RFX3: variants seen among roughly 807,000 people sequenced by gnomAD.
The protein encoded by RFX3 is regulatory factor X3.
Under a neutral mutation model 98.6 loss-of-function variants are expected in RFX3, and 14 were observed. That is an observed-to-expected ratio of 0.14 (90% CI 0.09 to 0.22). The LOEUF is 0.22. Among genes scored for constraint, RFX3 ranks in the 10% least tolerant of loss-of-function variants. The probability of loss-of-function intolerance (pLI) is 1.00; values close to 1 mark genes in which losing one functional copy is unlikely to be tolerated. For synonymous variants in RFX3, 383 were observed against 328.4 expected (o/e 1.17, Z -1.80); for missense variants, 639 against 926.9 (o/e 0.69, Z 4.03).
chr9:3,412,270 T>A (rs1381138717), intron 1 of RFX3, among the ~76,000 whole-genome samples: 1 of 152,206 alleles, frequency 6.6e-6, no homozygotes, highest in Non-Finnish European at 1.5e-5. Flanking sequence ...GACTCTAAGG[T>A]TGGACAGGCC....
At chr9:3,346,859 G>C (rs912620277) in intron 2 of RFX3, 95 bp from the exon 3 acceptor site, 15 of 758,464 alleles carry the variant, frequency 2.0e-5, no homozygotes, top group Non-Finnish European at 7.0e-6. Context: ...CGGTATTATT[G>C]ATAAATTTGA....
intron 13 of RFX3, 60 bp from the exon 14 acceptor site, chr9:3,257,259 C>G: frequency 7.4e-7 from 1 of 1,353,910 alleles, no homozygotes; most frequent in Non-Finnish European, 1.1e-6. Context: ...TCATTGAATG[C>G]CAGCACACAC....
chr9:3,442,740 G>C (rs1236038551), intron 1 of RFX3, among the ~76,000 whole-genome samples: 2 of 152,036 alleles, frequency 1.3e-5, no homozygotes, highest in Non-Finnish European at 2.9e-5. Context: ...AAAGTAAAAA[G>C]TTTATTATAA....
At chr9:3,367,244 C>A (rs768485) in intron 2 of RFX3, among the ~76,000 whole-genome samples, 11 of 152,062 alleles carry the variant, frequency 7.2e-5, no homozygotes, top group South Asian at 2.1e-4. Flanking sequence ...TACATAAGGC[C>A]GTATTGTTGC....
intron 2 of RFX3, among the ~76,000 whole-genome samples, chr9:3,369,812 T>C (rs187080991): frequency 6.6e-6 from 1 of 152,174 alleles, no homozygotes; most frequent in East Asian, 1.9e-4. Context: ...ACAGAGCAGT[T>C]GTTTTTTTGT....
chr9:3,432,347 T>C (rs1398269235), intron 1 of RFX3, among the ~76,000 whole-genome samples: 1 of 152,070 alleles, frequency 6.6e-6, no homozygotes, highest in Non-Finnish European at 1.5e-5. Flanking sequence ...CACATAGTAC[T>C]CAATGGAAAG....
chr9:3,270,327 T>TG, intron 11 of RFX3, 44 bp downstream of exon 11: 1 of 1,553,410 alleles, frequency 6.4e-7, no homozygotes, highest in Non-Finnish European at 8.7e-7. Context: ...CTGGGTGGAA[T>TG]GTATGAGAAC....
At chr9:3,369,606 T>G (rs1423781930) in intron 2 of RFX3, among the ~76,000 whole-genome samples, 2 of 152,174 alleles carry the variant, frequency 1.3e-5, no homozygotes, top group African/African-American at 4.8e-5. Flanking sequence ...AAATTAAAAT[T>G]CTACCATAAA....
At position 3,225,179 on chromosome 9, in the gene RFX3, C is replaced by T; in HGVS notation, c.2113G>A (p.Val705Met). ...TCGAGAACAGGCTGCATGCAGCCCA[C>T]TGGAAATGCCTGGCTCAGCTCTGTT... ...EKTELSQAFP[V>M]GCMQPVLETG... Residue 705 changes from valine (V) to methionine (M), a missense_variant, in exon 17 of 17, where the codon GTG (valine) becomes ATG (methionine). By Grantham distance (21) the Val-to-Met change is conservative. Transcript: ENST00000617270. 1 of 1,613,952 alleles carries T rather than the reference C, an allele frequency of 6.2e-7. No homozygotes were observed. The highest frequency in any genetic ancestry group is 8.5e-7 in the Non-Finnish European group (1 of 1,179,952).
rs1239555273 is a variant in RFX3, at chr9:3,346,341, A to T, written c.215+326T>A. 2.6e-5 allele frequency among the ~76,000 whole-genome samples: 4 copies of T among 152,328 alleles called. No individual in the cohort carries two copies. The South Asian group carries it at 8.3e-4, about 32-fold the overall frequency. On this transcript the variant is annotated intron_variant, in intron 3 of 16. Coordinates refer to ENST00000617270, the MANE Select transcript of RFX3 (RefSeq NM_001282116.2). ...ATTGACCTCGTATAATAAAACAAAAAGCATAGAGTTTAGAAGCTATCATTA... is the reference window on the plus strand; with the variant it reads ...ATTGACCTCGTATAATAAAACAAAATGCATAGAGTTTAGAAGCTATCATTA...
intron 4 of RFX3, 88 bp from the exon 5 acceptor site, chr9:3,301,708 C>T (rs2986686): frequency 0.12 from 102,333 of 888,316 alleles, 6,223 homozygotes; most frequent in African/African-American, 0.16. Context: ...TCTTTAAAGT[C>T]CAACTTCTTC....
chr9:3,459,531 G>A (rs1847496409), intron 1 of RFX3, among the ~76,000 whole-genome samples: 1 of 152,042 alleles, frequency 6.6e-6, no homozygotes, highest in Non-Finnish European at 1.5e-5. Context: ...TGGATGCAGT[G>A]AGCTAACTAA....
intron 1 of RFX3, among the ~76,000 whole-genome samples, chr9:3,420,552 G>C (rs1032381590): frequency 2.0e-5 from 3 of 152,126 alleles, no homozygotes; most frequent in African/African-American, 7.2e-5. Flanking sequence ...AAAAGGTTAA[G>C]AGACTTGTCT....
At chr9:3,417,042 T>C (rs533089021) in intron 1 of RFX3, among the ~76,000 whole-genome samples, 54 of 151,888 alleles carry the variant, frequency 3.6e-4, no homozygotes, top group Middle Eastern at 3.4e-3. Context: ...ATAAAATATA[T>C]ATAATGCTAT....
chr9:3,496,598 C>G (rs757169213), intron 1 of RFX3, among the ~76,000 whole-genome samples: 10 of 151,938 alleles, frequency 6.6e-5, no homozygotes, highest in Non-Finnish European at 1.5e-4. Context: ...TGTACTATCA[C>G]GTTAAGCTCT....
At chr9:3,435,744 A>G (rs927351951) in intron 1 of RFX3, among the ~76,000 whole-genome samples, 5 of 149,104 alleles carry the variant, frequency 3.4e-5, no homozygotes, top group Non-Finnish European at 7.4e-5. Flanking sequence ...ATGGATAATT[A>G]TTCACATTCA....
chr9:3,464,911 T>TA lies in RFX3; in HGVS notation c.-9+60835dup, dbSNP rs893811042. 8.3e-4 allele frequency among the ~76,000 whole-genome samples: 123 copies of TA among 147,326 alleles called. 1 individual carries two copies. Among genetic ancestry groups the TA allele is most frequent in the Middle Eastern group, 3.6e-3 (1 of 280 alleles). ...TTGAACACATAAACATGTAAATACT[T>TA]AAAAAAAAAAAATTCAAAAGTTATC... On this transcript the variant is annotated intron_variant, in intron 1 of 16. Coordinates refer to ENST00000617270, the MANE Select transcript of RFX3 (RefSeq NM_001282116.2).
Position 3,224,324 on chromosome 9 carries a change from G to A in RFX3, c.*718C>T, listed in dbSNP as rs917099537. 3.9e-5 allele frequency: 6 copies of A among 152,150 alleles called. No individual in the cohort carries two copies. Among genetic ancestry groups the A allele is most frequent in the Non-Finnish European group, 7.3e-5 (5 of 68,040 alleles). The allele number at this position is 152,150 out of a possible 1,614,324, so 9.4% of individuals were successfully genotyped here. ...ATGCAAATAATAGTTAAAATTCAATGTTTAACGGAAGCTTGCATTGTTAAC... is the reference window on the plus strand; with the variant it reads ...ATGCAAATAATAGTTAAAATTCAATATTTAACGGAAGCTTGCATTGTTAAC... On this transcript the variant is annotated 3_prime_UTR_variant, in exon 17 of 17. Transcript: ENST00000617270.
At chr9:3,450,673 T>A (rs1271340161) in intron 1 of RFX3, among the ~76,000 whole-genome samples, 1 of 152,198 alleles carries the variant, frequency 6.6e-6, no homozygotes, top group Non-Finnish European at 1.5e-5. Flanking sequence ...CAAATTACCA[T>A]GTTTTGAAGT....
Sources: gnomAD v4.1 joint callset for allele counts (sites outside exome capture counted in the v4.1 genomes callset) on GRCh38, gnomAD v4.1.1 for gene constraint, MANE v1.5 for transcripts, NCBI Gene and HGNC (gene_info 2026-07-23, HGNC 2026-07-21) for gene names.